The following BAALC variants were observed in gnomAD, a reference collection of about 807,000 sequenced individuals.
BAALC encodes BAALC binder of MAP3K1 and KLF4, also known as brain and acute leukemia cytoplasmic protein.
In BAALC, 9 loss-of-function variants were observed where a neutral mutation model predicts 15.5. The ratio of observed to expected loss-of-function variants is 0.58; its 90% CI spans 0.35 to 1.02. The LOEUF is 1.02. Among genes scored for constraint, BAALC ranks in the 50% least tolerant of loss-of-function variants. BAALC has a pLI of 0.02. For missense variants in BAALC, 201 were observed against 192.4 expected (o/e 1.04, Z -0.27); for synonymous variants, 80 against 74.6 (o/e 1.07, Z -0.37).
chr8:103,149,601 G>C (rs1255916517), intron 1 of BAALC, among the ~76,000 whole-genome samples: 1 of 152,080 alleles, frequency 6.6e-6, no homozygotes. Flanking sequence ...GTTCCGGATG[G>C]GGGGATGGGA....
chr8:103,193,297 A>G (rs916168625), intron 1 of BAALC, among the ~76,000 whole-genome samples: 3 of 152,172 alleles, frequency 2.0e-5, no homozygotes, highest in African/African-American at 7.2e-5. Context: ...TCAACCTCTG[A>G]TCTCCTGGTT....
chr8:103,213,901 T>C (rs930774038), intron 2 of BAALC, among the ~76,000 whole-genome samples: 3 of 152,128 alleles, frequency 2.0e-5, no homozygotes, highest in African/African-American at 4.8e-5. Context: ...CCAATCACTG[T>C]GACAATGGGT....
chr8:103,210,097 A>G (rs1248799790), intron 1 of BAALC, among the ~76,000 whole-genome samples: 1 of 152,174 alleles, frequency 6.6e-6, no homozygotes, highest in Non-Finnish European at 1.5e-5. Context: ...GAGATGAGAC[A>G]TGTGTACTGT....
chr8:103,155,983 C>T (rs1336016882), intron 1 of BAALC, among the ~76,000 whole-genome samples: 5 of 152,180 alleles, frequency 3.3e-5, no homozygotes, highest in Non-Finnish European at 7.4e-5. Context: ...TTGTGGGCCA[C>T]GTGATTTCTT....
At chr8:103,162,744 A>C (rs898319363) in intron 1 of BAALC, among the ~76,000 whole-genome samples, 2 of 87,602 alleles carry the variant, frequency 2.3e-5, no homozygotes, top group Non-Finnish European at 5.1e-5. Flanking sequence ...TTTCTAGAAA[A>C]GCATGGTAGT....
intron 1 of BAALC, among the ~76,000 whole-genome samples, chr8:103,195,081 A>T (rs1174531552): frequency 6.6e-6 from 1 of 152,140 alleles, no homozygotes; most frequent in Non-Finnish European, 1.5e-5. Flanking sequence ...TGTTCTGCAC[A>T]AAGTTGGCCC....
At chr8:103,203,206 G>A (rs943450531) in intron 1 of BAALC, among the ~76,000 whole-genome samples, 1 of 152,166 alleles carries the variant, frequency 6.6e-6, no homozygotes, top group Admixed American at 6.5e-5. Context: ...GATGTTACAG[G>A]CTGGTGGTTC....
chr8:103,161,482 T>G (rs139269200), intron 1 of BAALC, among the ~76,000 whole-genome samples: 1 of 152,334 alleles, frequency 6.6e-6, no homozygotes, highest in African/African-American at 2.4e-5. Flanking sequence ...TTCCTTTTTA[T>G]AGCTGCATAG....
At chr8:103,165,798 G>A (rs994161936) in intron 1 of BAALC, 7 of 152,320 alleles carry the variant, frequency 4.6e-5, no homozygotes, top group Admixed American at 3.3e-4. Flanking sequence ...CTTGGCAGAT[G>A]AGCCACACTG....
intron 1 of BAALC, among the ~76,000 whole-genome samples, chr8:103,185,026 C>T (rs1225375602): frequency 5.3e-5 from 8 of 152,054 alleles, no homozygotes; most frequent in East Asian, 1.9e-4. Context: ...TTCTTGTCCC[C>T]GGCTTCACCA....
At chr8:103,209,069 T>A (rs1266232212) in intron 1 of BAALC, among the ~76,000 whole-genome samples, 1 of 152,052 alleles carries the variant, frequency 6.6e-6, no homozygotes, top group Non-Finnish European at 1.5e-5. Flanking sequence ...ATGACGCACA[T>A]AGAAAATGGC....
At chr8:103,225,803 T>C (rs973723342) in intron 2 of BAALC, among the ~76,000 whole-genome samples, 3 of 152,224 alleles carry the variant, frequency 2.0e-5, no homozygotes, top group Non-Finnish European at 2.9e-5. Context: ...CTGTGAGCAG[T>C]TAGCAGCCAA....
intron 2 of BAALC, among the ~76,000 whole-genome samples, chr8:103,224,162 T>C (rs1812746615): frequency 6.6e-6 from 1 of 152,062 alleles, no homozygotes; most frequent in Non-Finnish European, 1.5e-5. Context: ...GGCAGTCCAA[T>C]GTGAACTCAG....
chr8:103,219,117 G>T (rs1345643731), intron 2 of BAALC, among the ~76,000 whole-genome samples: 1 of 152,158 alleles, frequency 6.6e-6, no homozygotes, highest in South Asian at 2.1e-4. Context: ...GAAAAAGGAA[G>T]GAATTTAGCA....
intron 1 of BAALC, among the ~76,000 whole-genome samples, chr8:103,196,778 G>A (rs1233299101): frequency 6.6e-6 from 1 of 152,178 alleles, no homozygotes; most frequent in Non-Finnish European, 1.5e-5. Flanking sequence ...AGCAGAGATT[G>A]ACCAACACCA....
intron 1 of BAALC, among the ~76,000 whole-genome samples, chr8:103,151,808 G>A (rs1810994108): frequency 6.6e-6 from 1 of 150,692 alleles, no homozygotes; most frequent in South Asian, 2.1e-4. Context: ...TTTCCTTCCA[G>A]TGACCCAGCA....
At position 103,210,209 on chromosome 8, in the gene BAALC, C is replaced by T. The variant is rs1475059614; in HGVS notation, c.161-2710C>T. The stretch of plus-strand genomic sequence containing the variant: ...GGCTGTAATTGGTGGAGGAAGGAAG[C>T]CACAAGGATTTGGGACAAGCCTAGC... On this transcript the variant is annotated intron_variant, in intron 1 of 2. Transcript: ENST00000309982. 3.3e-5 allele frequency among the ~76,000 whole-genome samples: 5 copies of T among 152,192 alleles called. No homozygotes were observed. In the South Asian group the frequency reaches 1.0e-3, roughly 32 times the overall value.
chr8:103,163,060 A>G (rs1438239372), intron 1 of BAALC, among the ~76,000 whole-genome samples: 3 of 152,042 alleles, frequency 2.0e-5, no homozygotes, highest in African/African-American at 7.2e-5. Context: ...GTCAGCGCCC[A>G]TGTCCCTTTC....
chr8:103,147,439 G>A (rs1429798133), intron 1 of BAALC, among the ~76,000 whole-genome samples: 1 of 152,112 alleles, frequency 6.6e-6, no homozygotes, highest in African/African-American at 2.4e-5. Context: ...AAGGATAAAT[G>A]CAGATTTTTT....
Sources: allele counts gnomAD v4.1 joint callset (sites outside exome capture counted in the v4.1 genomes callset), GRCh38; gene constraint gnomAD v4.1.1; transcripts MANE v1.5; gene names NCBI Gene and HGNC (gene_info 2026-07-23, HGNC 2026-07-21).